The following EPB41L2 variants were observed in gnomAD, a reference collection of about 807,000 sequenced individuals.
The protein encoded by EPB41L2 is band 4.1-like protein 2.
A neutral mutation model predicts 113.0 loss-of-function variants in EPB41L2; 43 were observed. The ratio of observed to expected loss-of-function variants is 0.38; its 90% CI spans 0.30 to 0.49. The LOEUF is 0.49. EPB41L2 is among the 20% of genes least tolerant of loss of function. The probability of loss-of-function intolerance (pLI) is 0.95; values close to 1 mark genes in which losing one functional copy is unlikely to be tolerated. For missense variants in EPB41L2, 1,147 were observed against 1,223.4 expected, an observed-to-expected ratio of 0.94 and a Z score of 0.93; for synonymous variants, 442 against 436.7, an observed-to-expected ratio of 1.01 and a Z score of -0.15.
chr6:130,872,698 T>C (rs953749396), intron 14 of EPB41L2, among the ~76,000 whole-genome samples: 9 of 152,206 alleles, frequency 5.9e-5, no homozygotes, highest in African/African-American at 2.2e-4. Flanking sequence ...AGCAGGCTTA[T>C]GAAGAGGTTT....
intron 14 of EPB41L2, among the ~76,000 whole-genome samples, chr6:130,877,623 A>G (rs1787980844): frequency 6.6e-6 from 1 of 152,180 alleles, no homozygotes; most frequent in East Asian, 1.9e-4. Flanking sequence ...ATTATATATA[A>G]TATTTTTCAA....
At chr6:131,003,717 C>G (rs1176593829) in intron 1 of EPB41L2, among the ~76,000 whole-genome samples, 1 of 152,158 alleles carries the variant, frequency 6.6e-6, no homozygotes, top group African/African-American at 2.4e-5. Context: ...TACACACATG[C>G]CCAGAATTGG....
chr6:130,990,279 C>T (rs1208577948), intron 1 of EPB41L2, among the ~76,000 whole-genome samples: 1 of 151,776 alleles, frequency 6.6e-6, no homozygotes, highest in East Asian at 1.9e-4. Flanking sequence ...CAAGATCACA[C>T]CATTGCACTC....
At position 130,863,686 on chromosome 6, in the gene EPB41L2, A is replaced by C; in HGVS notation, c.2862T>G (p.Ile954Met). ...CTCCTGTGATCACAATGCGTTTCTC[A>C]ATTCTTGTTTCAGAAATTCCACCTT... is the stretch of plus-strand genomic sequence containing the variant. ...TVKGGISETR[I>M]EKRIVITGDG... The change falls in exon 18 of 20, where the codon ATT becomes ATG. Residue 954 changes from isoleucine (I) to methionine (M), a missense_variant. By Grantham distance (10) the Ile-to-Met change is conservative. Coordinates refer to ENST00000337057, the MANE Select transcript of EPB41L2 (RefSeq NM_001431.4). 6.2e-7 allele frequency: 1 copy of C among 1,613,702 alleles called. No homozygotes were observed. The highest frequency in any genetic ancestry group is 8.5e-7 in the Non-Finnish European group (1 of 1,179,626).
rs1791510523 is a variant in EPB41L2, at chr6:131,029,163, T to G, written c.-15+33992A>C. 1.3e-5 allele frequency among the ~76,000 whole-genome samples: 2 copies of G among 152,120 alleles called. 1 individual carries two copies. The highest frequency in any genetic ancestry group is 4.1e-4 in the South Asian group (2 of 4,828). ...GGAAAAAAATCTTGAATATTTCATA[T>G]TTGCATGGGTATTTTCCTCCCTAAC... On this transcript the variant is annotated intron_variant, in intron 1 of 19. Transcript: ENST00000337057.
intron 1 of EPB41L2, among the ~76,000 whole-genome samples, chr6:131,052,727 G>T (rs979023506): frequency 6.6e-6 from 1 of 152,084 alleles, no homozygotes; most frequent in Non-Finnish European, 1.5e-5. Flanking sequence ...GCTAACTAGA[G>T]GTAGAAAGTC....
intron 1 of EPB41L2, among the ~76,000 whole-genome samples, chr6:131,035,882 C>A (rs895248952): frequency 5.3e-5 from 8 of 152,108 alleles, no homozygotes; most frequent in Non-Finnish European, 1.2e-4. Context: ...ACAAATGCTC[C>A]CATGATTTAA....
intron 1 of EPB41L2, among the ~76,000 whole-genome samples, chr6:131,018,818 GC>G (rs1277849000): frequency 3.3e-5 from 5 of 152,162 alleles, no homozygotes; most frequent in Admixed American, 3.3e-4. Flanking sequence ...TTATAACACT[GC>G]TCCTATAGTG....
At chr6:130,860,690 G>A (rs1345050256) in intron 18 of EPB41L2, among the ~76,000 whole-genome samples, 1 of 151,732 alleles carries the variant, frequency 6.6e-6, no homozygotes, top group Non-Finnish European at 1.5e-5. Flanking sequence ...CTGCCACTGC[G>A]CCCGGCTAAT....
intron 1 of EPB41L2, among the ~76,000 whole-genome samples, chr6:131,021,839 C>CA (rs1256038741): frequency 1.3e-5 from 2 of 152,148 alleles, no homozygotes; most frequent in Non-Finnish European, 2.9e-5. Flanking sequence ...CGAACCCAGA[C>CA]AGTCAAGCTC....
intron 1 of EPB41L2, chr6:131,000,491 T>C (rs1784119368): frequency 6.6e-6 from 1 of 152,210 alleles, no homozygotes; most frequent in Non-Finnish European, 1.5e-5. Flanking sequence ...GAACCATACA[T>C]CAACGGGTTA....
At chr6:131,049,513 G>A (rs1013778481) in intron 1 of EPB41L2, among the ~76,000 whole-genome samples, 2 of 152,196 alleles carry the variant, frequency 1.3e-5, no homozygotes, top group Non-Finnish European at 2.9e-5. Flanking sequence ...TTCTACCAGA[G>A]TGTAGACACT....
chr6:130,904,426 G>GT (rs1482807115), intron 6 of EPB41L2, 39 bp downstream of exon 6: 7 of 1,402,000 alleles, frequency 5.0e-6, no homozygotes, highest in Middle Eastern at 3.6e-4. Context: ...AACGAGAGCT[G>GT]TAAGGAAAGG....
chr6:130,865,625 C>T lies in EPB41L2; in HGVS notation c.2740G>A (p.Gly914Arg), dbSNP rs749789634. 6.8e-6 allele frequency: 11 copies of T among 1,614,090 alleles called. No homozygotes were observed. The highest frequency in any genetic ancestry group is 4.5e-5 in the East Asian group (2 of 44,874). The stretch of plus-strand genomic sequence containing the variant: ...AACGTGCCCGAATCACCACCAGCCC[C>T]GCCATCAATCTTTGGATAGTTGGGG... ...ITYESPQIDG[G>R]AGGDSGTLLT... The change falls in exon 17 of 20, where the codon GGG becomes AGG. Residue 914 changes from glycine (G) to arginine (R), a missense_variant. By Grantham distance (125) the Gly-to-Arg change is moderately radical. Coordinates refer to ENST00000337057, the MANE Select transcript of EPB41L2 (RefSeq NM_001431.4).
intron 3 of EPB41L2, 22 bp from the exon 4 acceptor site, chr6:130,926,731 T>C (rs1804868336): frequency 1.3e-6 from 2 of 1,518,680 alleles, no homozygotes; most frequent in Non-Finnish European, 1.8e-6. Flanking sequence ...ATAATAACTT[T>C]ACTTTTCAAG....
intron 1 of EPB41L2, among the ~76,000 whole-genome samples, chr6:131,042,579 T>C (rs541657659): frequency 6.6e-6 from 1 of 152,332 alleles, no homozygotes; most frequent in Admixed American, 6.5e-5. Context: ...AGAACACATT[T>C]ATTTAATTTC....
In EPB41L2 at chr6:130,925,793, C is replaced by T. The variant is rs144551535; in HGVS notation, c.810+812G>A. 3.2e-4 allele frequency among the ~76,000 whole-genome samples: 48 copies of T among 152,272 alleles called. No individual in the cohort carries two copies. In the East Asian group the frequency reaches 7.9e-3, roughly 25 times the overall value. ...TGTGCTATTACGTCTGAAAACAGTA[C>T]TCTAAACAGAGTTCTATTAAGAATA... On this transcript the variant is annotated intron_variant, in intron 4 of 19. Transcript: ENST00000337057.
At chr6:130,980,975 A>C (rs1231016184) in intron 1 of EPB41L2, among the ~76,000 whole-genome samples, 3 of 152,176 alleles carry the variant, frequency 2.0e-5, no homozygotes, top group Non-Finnish European at 4.4e-5. Flanking sequence ...AATAAAAACC[A>C]ATTAAAATCT....
intron 15 of EPB41L2, among the ~76,000 whole-genome samples, chr6:130,869,177 A>G (rs527968055): frequency 6.6e-6 from 1 of 152,204 alleles, no homozygotes; most frequent in Admixed American, 6.5e-5. Flanking sequence ...TTTTTTCAAC[A>G]TTACATATAC....
Sources: gnomAD v4.1 joint callset for allele counts (sites outside exome capture counted in the v4.1 genomes callset) on GRCh38, gnomAD v4.1.1 for gene constraint, MANE v1.5 for transcripts, NCBI Gene and HGNC (gene_info 2026-07-23, HGNC 2026-07-21) for gene names.